RERE: variants seen among roughly 807,000 people sequenced by gnomAD.
RERE encodes arginine-glutamic acid dipeptide repeats protein.
In RERE, 40 loss-of-function variants were observed where a neutral mutation model predicts 146.1. The ratio of observed to expected loss-of-function variants is 0.27; its 90% CI spans 0.21 to 0.36. The LOEUF is 0.36. Ranked by LOEUF, RERE falls within the 10% of genes least tolerant of loss-of-function variation. The pLI is 1.00. For missense variants in RERE, 1,933 were observed against 2,138.7 expected, an observed-to-expected ratio of 0.90 and a Z score of 1.90; for synonymous variants, 1,003 against 866.0, an observed-to-expected ratio of 1.16 and a Z score of -2.78.
rs575066681 is a variant in RERE, at chr1:8,753,902, T to A, written c.-145+63258A>T. The A allele has an allele frequency of 4.6e-5, 7 of 152,356 alleles. No individual in the cohort carries two copies. The East Asian group carries it at 1.3e-3, about 29-fold the overall frequency. The allele number at this position is 152,356 out of a possible 1,614,324, so 9.4% of individuals were successfully genotyped here. A position where few individuals can be genotyped will look rare whatever the true frequency, so the allele number is the denominator to read the frequency against. ...GCAAATCTTTAACTCTACTGGGTCC[T>A]CATGCATAATGCACAGGGCAATTTG... On this transcript the variant is annotated intron_variant, in intron 1 of 22. Coordinates refer to ENST00000400908, the MANE Select transcript of RERE (RefSeq NM_001042681.2).
intron 2 of RERE, among the ~76,000 whole-genome samples, chr1:8,647,396 A>G (rs1647365462): frequency 6.6e-6 from 1 of 152,180 alleles, no homozygotes; most frequent in Non-Finnish European, 1.5e-5. Context: ...AATAGGTCTA[A>G]TAAGTGCAAC....
chr1:8,782,596 C>T (rs1641185288), intron 1 of RERE, among the ~76,000 whole-genome samples: 1 of 152,134 alleles, frequency 6.6e-6, no homozygotes, highest in South Asian at 2.1e-4. Flanking sequence ...ACTACTTTAA[C>T]CTTGGTGTGT....
At chr1:8,789,301 A>AAAAAAAAAAAAAAAAAAAAAAAAATATAT in intron 1 of RERE, among the ~76,000 whole-genome samples, 1 of 24,826 alleles carries the variant, frequency 4.0e-5, no homozygotes, top group African/African-American at 2.3e-4. Flanking sequence ...AAAAAAAAAA[A>AAAAAAAAAAAAAAAAAAAAAAAAATATAT]ATATATATAT....
chr1:8,793,717 T>C (rs1641411355), intron 1 of RERE, among the ~76,000 whole-genome samples: 1 of 152,228 alleles, frequency 6.6e-6, no homozygotes, highest in Admixed American at 6.5e-5. Flanking sequence ...TTAACTGTTC[T>C]AATTACAAGT....
intron 1 of RERE, among the ~76,000 whole-genome samples, chr1:8,669,024 C>CTGTGTGTGTGTGTGTGTGTGTG (rs59647434): frequency 5.2e-4 from 23 of 43,826 alleles, no homozygotes; most frequent in Non-Finnish European, 6.7e-4. Flanking sequence ...GCACTCAACT[C>CTGTGTGTGTGTGTGTGTGTGTG]TGTGTGTGTG....
intron 1 of RERE, among the ~76,000 whole-genome samples, chr1:8,815,121 C>A (rs1037069396): frequency 2.0e-5 from 3 of 152,212 alleles, no homozygotes; most frequent in Non-Finnish European, 4.4e-5. Flanking sequence ...CACCAACCTC[C>A]ATCCTTGGGC....
At position 8,361,525 on chromosome 1, in the gene RERE, G is replaced by A. The variant is rs74049613; in HGVS notation, c.2017-35C>T. 4.8e-3 allele frequency: 7,694 copies of A among 1,604,040 alleles called. 331 individuals are homozygous for A. The African/African-American group carries it at 0.091, about 19-fold the overall frequency. On this transcript the variant is annotated intron_variant, in intron 17 of 22. Coordinates refer to ENST00000400908, the MANE Select transcript of RERE (RefSeq NM_001042681.2). Reference sequence around the variant, plus strand: ...GAGAAGGGAAGGATGGAAGTCCCAGGAGGGCAGAGCCCTGTCTGCTCTGCA... The same window carrying A: ...GAGAAGGGAAGGATGGAAGTCCCAGAAGGGCAGAGCCCTGTCTGCTCTGCA...
chr1:8,789,433 G>C (rs953965212), intron 1 of RERE, among the ~76,000 whole-genome samples: 4 of 150,026 alleles, frequency 2.7e-5, no homozygotes, highest in African/African-American at 7.4e-5. Flanking sequence ...CCTACTATCT[G>C]ACCAAACACG....
intron 2 of RERE, among the ~76,000 whole-genome samples, chr1:8,645,097 T>C (rs946552610): frequency 1.3e-5 from 2 of 152,150 alleles, no homozygotes; most frequent in Non-Finnish European, 2.9e-5. Flanking sequence ...ATGTCTAGGT[T>C]GTATAGGAAT....
At position 8,815,843 on chromosome 1, in the gene RERE, A is replaced by ATGTG. The variant is rs780581651; in HGVS notation, c.-145+1313_-145+1316dup. On this transcript the variant is annotated intron_variant, in intron 1 of 22. Transcript: ENST00000400908. ...TCAGCTTGGTATTGTGTGTGTGTGT[A>ATGTG]TGTGTGTGTGTGTGTGTGTATATGT... Among the ~76,000 whole-genome samples, 405 of 143,804 alleles carry ATGTG rather than the reference A, an allele frequency of 2.8e-3. 3 individuals carry two copies. Among genetic ancestry groups the ATGTG allele is most frequent in the African/African-American group, 0.011 (376 of 35,436 alleles). 94.3% of individuals were successfully genotyped at this position (143,804 alleles called of 152,430 possible).
chr1:8,399,082 TG>T (rs1249681044), intron 12 of RERE, among the ~76,000 whole-genome samples: 3 of 152,094 alleles, frequency 2.0e-5, no homozygotes, highest in Admixed American at 1.3e-4. Flanking sequence ...TCTATTGAAC[TG>T]CTTGTGTCTA....
At chr1:8,564,826 A>ATATGTGTGTGTGTGTGTGTGTGTG (rs1384858524) in intron 4 of RERE, among the ~76,000 whole-genome samples, 19 of 117,868 alleles carry the variant, frequency 1.6e-4, no homozygotes, top group Non-Finnish European at 1.7e-4. Context: ...GTGTGTGTAT[A>ATATGTGTGTGTGTGTGTGTGTGTG]TGTGTATGTG....
At chr1:8,520,558 G>T (rs7519543) in intron 7 of RERE, among the ~76,000 whole-genome samples, 1 of 151,898 alleles carries the variant, frequency 6.6e-6, no homozygotes, top group African/African-American at 2.4e-5. Flanking sequence ...ACTTTGCTCC[G>T]TTGTCTAAAT....
At chr1:8,433,422 G>A (rs1234366356) in intron 11 of RERE, among the ~76,000 whole-genome samples, 1 of 152,092 alleles carries the variant, frequency 6.6e-6, no homozygotes, top group African/African-American at 2.4e-5. Context: ...CTCTGGACAT[G>A]TGTCTTTGAA....
At chr1:8,772,556 C>T (rs1445822348) in intron 1 of RERE, among the ~76,000 whole-genome samples, 1 of 152,118 alleles carries the variant, frequency 6.6e-6, no homozygotes, top group Admixed American at 6.6e-5. Flanking sequence ...AGGTGGATCA[C>T]CTGAGATCAG....
At chr1:8,698,369 C>T (rs1256543411) in intron 1 of RERE, among the ~76,000 whole-genome samples, 1 of 152,198 alleles carries the variant, frequency 6.6e-6, no homozygotes, top group East Asian at 1.9e-4. Flanking sequence ...TGTTTCTACC[C>T]AGCTATTTTA....
chr1:8,598,026 G>T (rs11121205), intron 4 of RERE, among the ~76,000 whole-genome samples: 1 of 151,948 alleles, frequency 6.6e-6, no homozygotes, highest in African/African-American at 2.4e-5. Flanking sequence ...TCTCTTTCCC[G>T]CCTCATGGGG....
chr1:8,448,666 G>A (rs1465559914), intron 11 of RERE, among the ~76,000 whole-genome samples: 2 of 152,112 alleles, frequency 1.3e-5, no homozygotes, highest in African/African-American at 4.8e-5. Context: ...TTAAATGCCT[G>A]CCGTGTGCAG....
intron 11 of RERE, among the ~76,000 whole-genome samples, chr1:8,441,645 T>C (rs1419360079): frequency 6.6e-6 from 1 of 152,214 alleles, no homozygotes; most frequent in African/African-American, 2.4e-5. Context: ...CGACAAATTA[T>C]ACTTTTGGCA....
Sources: allele counts gnomAD v4.1 joint callset (sites outside exome capture counted in the v4.1 genomes callset), GRCh38; gene constraint gnomAD v4.1.1; transcripts MANE v1.5; gene names NCBI Gene and HGNC (gene_info 2026-07-23, HGNC 2026-07-21).